The following MSRA variants were observed in gnomAD, a reference collection of about 807,000 sequenced individuals.
The protein encoded by MSRA is methionine sulfoxide reductase A, also known as mitochondrial peptide methionine sulfoxide reductase.
A neutral mutation model predicts 31.3 loss-of-function variants in MSRA; 54 were observed. The observed-to-expected ratio is 1.73, with a 90% CI of 1.39 to 2.17. The LOEUF is 2.17. Among genes scored for constraint, MSRA ranks in the 30% most tolerant of loss-of-function variants. The pLI is 0.00. For missense variants in MSRA, 507 were observed against 300.9 expected, an observed-to-expected ratio of 1.69 and a Z score of -5.07; for synonymous variants, 169 against 116.5, an observed-to-expected ratio of 1.45 and a Z score of -2.90.
intron 5 of MSRA, among the ~76,000 whole-genome samples, chr8:10,389,764 C>CTT (rs34986609): frequency 1.9e-4 from 22 of 118,294 alleles, no homozygotes; most frequent in Non-Finnish European, 3.0e-4. Context: ...TTTTTAAAGT[C>CTT]TTTTTTTTTT....
At chr8:10,113,941 A>G (rs1365259560) in intron 1 of MSRA, among the ~76,000 whole-genome samples, 3 of 152,302 alleles carry the variant, frequency 2.0e-5, no homozygotes, top group African/African-American at 7.2e-5. Flanking sequence ...AAGAAACTCC[A>G]TACCCTTTAG....
chr8:10,347,128 C>G (rs996407221), intron 5 of MSRA, among the ~76,000 whole-genome samples: 2 of 152,200 alleles, frequency 1.3e-5, no homozygotes, highest in East Asian at 3.8e-4. Flanking sequence ...GGTTCGTTTT[C>G]CCTTTTGGTC....
intron 4 of MSRA, among the ~76,000 whole-genome samples, chr8:10,302,727 T>C (rs925587655): frequency 6.6e-6 from 1 of 152,110 alleles, no homozygotes; most frequent in African/African-American, 2.4e-5. Context: ...TCAGGGCAGA[T>C]GGCGGCCTAG....
intron 3 of MSRA, among the ~76,000 whole-genome samples, chr8:10,301,304 T>C (rs915370596): frequency 1.3e-5 from 2 of 152,102 alleles, no homozygotes; most frequent in African/African-American, 4.8e-5. Flanking sequence ...TAGAGCACAA[T>C]GTAGAAGTCA....
chr8:10,321,418 A>G (rs563376688), intron 5 of MSRA, among the ~76,000 whole-genome samples: 9 of 152,240 alleles, frequency 5.9e-5, no homozygotes, highest in South Asian at 2.1e-4. Context: ...CAGTTCGACT[A>G]TGATGAGCGG....
At chr8:10,143,702 C>G (rs1436339644) in intron 1 of MSRA, among the ~76,000 whole-genome samples, 3 of 152,098 alleles carry the variant, frequency 2.0e-5, no homozygotes, top group East Asian at 3.9e-4. Context: ...TGACAGAATT[C>G]CAAGCAAGAG....
At chr8:10,234,316 G>A (rs1245190451) in intron 2 of MSRA, among the ~76,000 whole-genome samples, 1 of 152,148 alleles carries the variant, frequency 6.6e-6, no homozygotes, top group Non-Finnish European at 1.5e-5. Flanking sequence ...TCTTTACACT[G>A]CGGTAATGAG....
intron 1 of MSRA, among the ~76,000 whole-genome samples, chr8:10,083,624 C>A (rs981527951): frequency 6.6e-6 from 1 of 152,146 alleles, no homozygotes; most frequent in Non-Finnish European, 1.5e-5. Flanking sequence ...AGTTCCAGAT[C>A]ATTTGTTTTT....
chr8:10,276,247 A>G (rs1175015186), intron 3 of MSRA, among the ~76,000 whole-genome samples: 1 of 152,238 alleles, frequency 6.6e-6, no homozygotes, highest in Non-Finnish European at 1.5e-5. Context: ...TTTGGGGCTC[A>G]GTGGCCGAGC....
intron 1 of MSRA, among the ~76,000 whole-genome samples, chr8:10,069,895 T>C (rs1189907122): frequency 6.6e-6 from 1 of 152,238 alleles, no homozygotes; most frequent in African/African-American, 2.4e-5. Flanking sequence ...ATGGTATATA[T>C]GCACATAGTT....
At chr8:10,270,236 A>G (rs1247765090) in intron 3 of MSRA, among the ~76,000 whole-genome samples, 2 of 152,174 alleles carry the variant, frequency 1.3e-5, no homozygotes, top group Non-Finnish European at 2.9e-5. Context: ...ATTCTGTTAC[A>G]AATAATAAAA....
intron 1 of MSRA, among the ~76,000 whole-genome samples, chr8:10,167,776 C>T (rs997129924): frequency 1.3e-5 from 2 of 152,100 alleles, no homozygotes; most frequent in African/African-American, 4.8e-5. Flanking sequence ...AATGCTGATC[C>T]ACTTTCTCTC....
chr8:10,376,741 A>G lies in MSRA; in HGVS notation c.544-51407A>G, dbSNP rs1210106798. On this transcript the variant is annotated intron_variant, in intron 5 of 5. Transcript: ENST00000317173. Reference sequence around the variant, plus strand: ...TTAGAACTACCAGTGTTCGGTGACCACATGCAGTGAACTGAGATATGCTAG... The same window carrying G: ...TTAGAACTACCAGTGTTCGGTGACCGCATGCAGTGAACTGAGATATGCTAG... 3.9e-5 allele frequency among the ~76,000 whole-genome samples: 6 copies of G among 152,208 alleles called. No individual in the cohort carries two copies. The East Asian group carries it at 9.6e-4, about 24-fold the overall frequency.
intron 3 of MSRA, among the ~76,000 whole-genome samples, chr8:10,298,135 A>G (rs1400418661): frequency 6.6e-6 from 1 of 152,226 alleles, no homozygotes; most frequent in African/African-American, 2.4e-5. Context: ...AATGGGGACC[A>G]TATGTCTCTG....
chr8:10,154,092 C>G (rs963463669), intron 1 of MSRA, among the ~76,000 whole-genome samples: 11 of 152,168 alleles, frequency 7.2e-5, no homozygotes, highest in Non-Finnish European at 1.3e-4. Flanking sequence ...GTCTGGTATC[C>G]TTAACCCATA....
At chr8:10,160,650 C>A (rs1031295571) in intron 1 of MSRA, among the ~76,000 whole-genome samples, 1 of 152,114 alleles carries the variant, frequency 6.6e-6, no homozygotes, top group African/African-American at 2.4e-5. Flanking sequence ...CTGCCTCAGC[C>A]TCCCGAGTAG....
intron 1 of MSRA, chr8:10,096,193 C>A: frequency 1.6e-6 from 2 of 1,252,734 alleles, no homozygotes; most frequent in African/African-American, 1.5e-5. Context: ...TTTCTTAAAG[C>A]AACAGCTTTT....
chr8:10,126,853 G>C (rs962859270), intron 1 of MSRA, among the ~76,000 whole-genome samples: 1 of 152,158 alleles, frequency 6.6e-6, no homozygotes, highest in Non-Finnish European at 1.5e-5. Context: ...TAGATATCTT[G>C]CACATGCAGT....
intron 3 of MSRA, among the ~76,000 whole-genome samples, chr8:10,259,861 T>C (rs1270408248): frequency 1.3e-5 from 2 of 152,214 alleles, no homozygotes; most frequent in African/African-American, 4.8e-5. Flanking sequence ...GCCACCCAGC[T>C]CGCTGGTGTT....
Sources: gnomAD v4.1 joint callset for allele counts (sites outside exome capture counted in the v4.1 genomes callset) on GRCh38, gnomAD v4.1.1 for gene constraint, MANE v1.5 for transcripts, NCBI Gene and HGNC (gene_info 2026-07-23, HGNC 2026-07-21) for gene names.